RBFOX1: variants seen among roughly 807,000 people sequenced by gnomAD.
RBFOX1 encodes RNA binding fox-1 homolog 1, also known as RNA binding protein fox-1 homolog 1.
A neutral mutation model predicts 57.7 loss-of-function variants in RBFOX1; 8 were observed. The ratio of observed to expected loss-of-function variants is 0.14; its 90% CI spans 0.08 to 0.25. RBFOX1 has a LOEUF of 0.25. Among genes scored for constraint, RBFOX1 ranks in the 10% least tolerant of loss-of-function variants. The pLI is 1.00. For synonymous variants in RBFOX1, 326 were observed against 222.4 expected (o/e 1.47, Z -4.15); for missense variants, 611 against 548.5 (o/e 1.11, Z -1.14).
intron 4 of RBFOX1, among the ~76,000 whole-genome samples, chr16:7,387,140 A>C (rs2097897772): frequency 6.6e-6 from 1 of 152,152 alleles, no homozygotes; most frequent in Non-Finnish European, 1.5e-5. Flanking sequence ...TGTCAGATGA[A>C]TAGATGGTAA....
At chr16:6,056,642 T>C (rs2095618213) in intron 1 of RBFOX1, among the ~76,000 whole-genome samples, 2 of 152,196 alleles carry the variant, frequency 1.3e-5, no homozygotes, top group Admixed American at 1.3e-4. Flanking sequence ...ACTGGCGTGG[T>C]CGCTGACCAA....
At chr16:5,937,595 C>G (rs2059193197) in intron 4 of RBFOX1, among the ~76,000 whole-genome samples, 1 of 150,458 alleles carries the variant, frequency 6.6e-6, no homozygotes, top group Admixed American at 6.7e-5. Flanking sequence ...CTATATGATA[C>G]AGTTTTATAT....
At chr16:5,573,344 G>T (rs990626171) in intron 2 of RBFOX1, among the ~76,000 whole-genome samples, 2 of 152,320 alleles carry the variant, frequency 1.3e-5, no homozygotes, top group Middle Eastern at 3.4e-3. Context: ...TCTCATCACT[G>T]CTTTGACCTG....
At position 6,125,414 on chromosome 16, in the gene RBFOX1, G is replaced by C. The variant is rs933189473; in HGVS notation, c.-127+105422G>C. Among the ~76,000 whole-genome samples, 3 of 152,294 alleles carry C rather than the reference G, an allele frequency of 2.0e-5. No homozygotes were observed. In the South Asian group the frequency reaches 6.2e-4, roughly 32 times the overall value. ...TCTTGTTTGCCAGGGCCAGGAGAGAGCATCTTGTTTGTCTGCTTTGGGTAC... is the reference window on the plus strand; with the variant it reads ...TCTTGTTTGCCAGGGCCAGGAGAGACCATCTTGTTTGTCTGCTTTGGGTAC... On this transcript the variant is annotated intron_variant, in intron 1 of 15. Coordinates refer to ENST00000550418, the MANE Select transcript of RBFOX1 (RefSeq NM_018723.4).
intron 4 of RBFOX1, among the ~76,000 whole-genome samples, chr16:5,967,648 T>G (rs2059874180): frequency 6.6e-6 from 1 of 152,206 alleles, no homozygotes. Context: ...CTTCAGGGAT[T>G]TTAACAAATC....
intron 2 of RBFOX1, among the ~76,000 whole-genome samples, chr16:5,570,079 TAC>T (rs1478092709): frequency 1.3e-5 from 2 of 152,182 alleles, no homozygotes; most frequent in Non-Finnish European, 2.9e-5. Flanking sequence ...AACATGGAAA[TAC>T]ACACAGTGTC....
At chr16:7,424,646 A>G (rs1173412007) in intron 4 of RBFOX1, among the ~76,000 whole-genome samples, 1 of 152,196 alleles carries the variant, frequency 6.6e-6, no homozygotes, top group Admixed American at 6.5e-5. Flanking sequence ...TACATAATGC[A>G]TTTATTTTGT....
intron 2 of RBFOX1, among the ~76,000 whole-genome samples, chr16:6,470,653 A>C (rs1483294952): frequency 6.6e-6 from 1 of 152,188 alleles, no homozygotes; most frequent in Non-Finnish European, 1.5e-5. Flanking sequence ...TGATGTGGTC[A>C]AAATGAGCCT....
intron 4 of RBFOX1, among the ~76,000 whole-genome samples, chr16:7,436,809 C>A (rs1237583033): frequency 6.6e-6 from 1 of 152,122 alleles, no homozygotes; most frequent in African/African-American, 2.4e-5. Context: ...TACCTGCAAT[C>A]CCAGCACTTT....
intron 4 of RBFOX1, among the ~76,000 whole-genome samples, chr16:6,006,610 G>T (rs1424129): frequency 6.6e-6 from 1 of 152,066 alleles, no homozygotes; most frequent in Non-Finnish European, 1.5e-5. Flanking sequence ...TATTACACCT[G>T]TGTGTCCATA....
intron 3 of RBFOX1, among the ~76,000 whole-genome samples, chr16:6,759,995 C>T (rs1178342506): frequency 6.6e-6 from 1 of 152,108 alleles, no homozygotes; most frequent in Admixed American, 6.6e-5. Context: ...GAATATGTAG[C>T]CTTCAAGGGC....
chr16:5,678,481 C>G (rs968116990), intron 3 of RBFOX1, among the ~76,000 whole-genome samples: 1 of 152,080 alleles, frequency 6.6e-6, no homozygotes, highest in East Asian at 1.9e-4. Flanking sequence ...TATGTGCAAG[C>G]GGGTAGGGCA....
At chr16:5,478,324 A>C (rs911293143) in intron 2 of RBFOX1, among the ~76,000 whole-genome samples, 1 of 152,124 alleles carries the variant, frequency 6.6e-6, no homozygotes, top group African/African-American at 2.4e-5. Context: ...GAAGGCTCTG[A>C]GCATGGGGAT....
intron 4 of RBFOX1, among the ~76,000 whole-genome samples, chr16:7,472,708 A>T (rs968828213): frequency 6.6e-6 from 1 of 152,240 alleles, no homozygotes; most frequent in African/African-American, 2.4e-5. Flanking sequence ...AAATAGTAGC[A>T]TGTGATCATA....
At chr16:7,631,389 A>C (rs746394673) in intron 11 of RBFOX1, among the ~76,000 whole-genome samples, 21 of 152,190 alleles carry the variant, frequency 1.4e-4, no homozygotes, top group Non-Finnish European at 2.5e-4. Context: ...TCTGCCTCGG[A>C]TGGATGCTCT....
intron 2 of RBFOX1, among the ~76,000 whole-genome samples, chr16:6,355,252 T>C (rs955341832): frequency 3.3e-5 from 5 of 152,116 alleles, no homozygotes; most frequent in Non-Finnish European, 5.9e-5. Context: ...ATCACCTACA[T>C]TAGATATTTC....
At chr16:5,961,077 G>C (rs755016845) in intron 4 of RBFOX1, among the ~76,000 whole-genome samples, 4 of 152,152 alleles carry the variant, frequency 2.6e-5, no homozygotes, top group Non-Finnish European at 5.9e-5. Context: ...TGAGAAATGT[G>C]TTTTCCAGGA....
chr16:5,275,378 T>C lies in RBFOX1; in HGVS notation c.219+35273T>C, dbSNP rs1171511975. 2.0e-5 allele frequency among the ~76,000 whole-genome samples: 3 copies of C among 152,264 alleles called. No homozygotes were observed. In the East Asian group the frequency reaches 5.8e-4, roughly 29 times the overall value. On this transcript the variant is annotated intron_variant, in intron 1 of 2. Transcript: ENST00000585867. ...AGGATACAAAATCTATGTACACAAA[T>C]CAGTAGCAGTGCTATACACCAACAG...
chr16:7,083,593 C>T (rs1384792843), intron 4 of RBFOX1, among the ~76,000 whole-genome samples: 2 of 152,132 alleles, frequency 1.3e-5, no homozygotes, highest in Non-Finnish European at 2.9e-5. Flanking sequence ...AGAACTCAGT[C>T]TGCTAACTCA....
Sources: allele counts gnomAD v4.1 joint callset (sites outside exome capture counted in the v4.1 genomes callset), GRCh38; gene constraint gnomAD v4.1.1; transcripts MANE v1.5; gene names NCBI Gene and HGNC (gene_info 2026-07-23, HGNC 2026-07-21).